Variants in NRG1 observed in about 807,000 individuals in gnomAD.
The protein encoded by NRG1 is pro-neuregulin-1, membrane-bound isoform.
A neutral mutation model predicts 63.8 loss-of-function variants in NRG1; 18 were observed. The observed-to-expected ratio is 0.28, with a 90% CI of 0.19 to 0.42. The LOEUF is 0.42. Ranked by LOEUF, NRG1 falls within the 10% of genes least tolerant of loss-of-function variation. The pLI is 1.00. For synonymous variants in NRG1, 302 were observed against 301.3 expected (o/e 1.00, Z -0.02); for missense variants, 762 against 814.7 (o/e 0.94, Z 0.79).
chr8:32,561,477 G>C (rs1235835219), intron 1 of NRG1, among the ~76,000 whole-genome samples: 1 of 152,228 alleles, frequency 6.6e-6, no homozygotes, highest in Non-Finnish European at 1.5e-5. Flanking sequence ...GTGTGTGTGT[G>C]AATGTGAATT....
At chr8:32,040,282 T>G in intron 1 of NRG1, among the ~76,000 whole-genome samples, 1 of 152,226 alleles carries the variant, frequency 6.6e-6, no homozygotes, top group East Asian at 1.9e-4. Context: ...TTTGCCTATG[T>G]GTATTTCAAT....
At chr8:32,728,293 G>A (rs1822771056) in intron 6 of NRG1, 2 of 983,664 alleles carry the variant, frequency 2.0e-6, no homozygotes, top group South Asian at 9.4e-5. Flanking sequence ...ATGTGTGTGA[G>A]GTGTTTTTTG....
intron 11 of NRG1, chr8:32,760,610 C>G (rs563168211): frequency 7.3e-7 from 1 of 1,378,234 alleles, no homozygotes; most frequent in South Asian, 1.5e-5. Flanking sequence ...GTCCCAGTGA[C>G]TGACAGGCAA....
At chr8:32,734,424 G>A (rs1391923946) in intron 6 of NRG1, among the ~76,000 whole-genome samples, 1 of 152,160 alleles carries the variant, frequency 6.6e-6, no homozygotes, top group Non-Finnish European at 1.5e-5. Context: ...ACACACTTTT[G>A]TTGTATTTGT....
intron 1 of NRG1, among the ~76,000 whole-genome samples, chr8:32,200,715 T>G (rs1245428858): frequency 1.3e-5 from 2 of 152,200 alleles, no homozygotes; most frequent in Non-Finnish European, 2.9e-5. Context: ...TCTGCAGGCC[T>G]TCTAGAACTG....
Position 32,132,394 on chromosome 8 carries a change from G to T in NRG1, c.38-463434G>T, listed in dbSNP as rs6990168. ...CTACACCATACTAATTTCCAAAAAG[G>T]TGTGAGATTGACATATGAAACTTGT... On this transcript the variant is annotated intron_variant, in intron 1 of 10. Transcript: ENST00000519301. Among the ~76,000 whole-genome samples, 196 of 152,140 alleles carry T rather than the reference G, an allele frequency of 1.3e-3. 1 individual carries two copies. Among genetic ancestry groups the T allele is most frequent in the African/African-American group, 4.5e-3 (186 of 41,532 alleles).
intron 1 of NRG1, among the ~76,000 whole-genome samples, chr8:31,707,249 T>C (rs967175548): frequency 2.0e-5 from 3 of 152,092 alleles, no homozygotes. Flanking sequence ...GACTTAATTA[T>C]TGAATTGACT....
In NRG1 at chr8:32,700,340, G is replaced by A. The variant is rs554431015; in HGVS notation, c.503-27609G>A. On this transcript the variant is annotated intron_variant, in intron 5 of 11. Transcript: ENST00000356819. ...GCAATACTGTGAGTGAAATGATAGGGCAAAAATGAATGCTTTTATTTAACT... is the reference window on the plus strand; with the variant it reads ...GCAATACTGTGAGTGAAATGATAGGACAAAAATGAATGCTTTTATTTAACT... 5.9e-5 allele frequency among the ~76,000 whole-genome samples: 9 copies of A among 152,134 alleles called. No individual in the cohort carries two copies. The South Asian group carries it at 1.9e-3, about 32-fold the overall frequency.
chr8:31,872,069 G>A (rs2129611685), intron 1 of NRG1, among the ~76,000 whole-genome samples: 1 of 152,242 alleles, frequency 6.6e-6, no homozygotes, highest in East Asian at 1.9e-4. Context: ...CATCTTAAAG[G>A]CCTGTATGCA....
At chr8:31,718,034 A>G (rs1812534345) in intron 1 of NRG1, among the ~76,000 whole-genome samples, 1 of 152,192 alleles carries the variant, frequency 6.6e-6, no homozygotes, top group Non-Finnish European at 1.5e-5. Context: ...TCAGTCAGAG[A>G]CATAAAAATG....
intron 1 of NRG1, among the ~76,000 whole-genome samples, chr8:32,264,739 A>G (rs1379433460): frequency 6.6e-6 from 1 of 152,178 alleles, no homozygotes; most frequent in East Asian, 1.9e-4. Context: ...AGAAAAGACT[A>G]AAAAAGCTAA....
chr8:31,838,557 C>T (rs1825894879), intron 1 of NRG1, among the ~76,000 whole-genome samples: 1 of 152,122 alleles, frequency 6.6e-6, no homozygotes, highest in African/African-American at 2.4e-5. Context: ...TTGAATCTTT[C>T]TATCTGGGAA....
At chr8:31,703,515 G>A (rs1313249811) in intron 1 of NRG1, among the ~76,000 whole-genome samples, 1 of 152,156 alleles carries the variant, frequency 6.6e-6, no homozygotes. Flanking sequence ...ATGGAACACT[G>A]AAGATTTTTA....
intron 1 of NRG1, among the ~76,000 whole-genome samples, chr8:31,900,263 A>AT (rs1831962403): frequency 6.6e-6 from 1 of 152,228 alleles, no homozygotes; most frequent in Admixed American, 6.5e-5. Flanking sequence ...GTGATAAGAT[A>AT]CTGGCGACCA....
intron 1 of NRG1, among the ~76,000 whole-genome samples, chr8:32,263,341 G>A (rs1242047000): frequency 6.6e-6 from 1 of 152,122 alleles, no homozygotes; most frequent in Non-Finnish European, 1.5e-5. Context: ...TAAGCATTAT[G>A]GCACACTGCC....
chr8:31,687,672 C>A (rs1809043198), intron 1 of NRG1, among the ~76,000 whole-genome samples: 1 of 152,206 alleles, frequency 6.6e-6, no homozygotes, highest in South Asian at 2.1e-4. Flanking sequence ...TTAGGGAGTG[C>A]TGTTGGAAAC....
intron 1 of NRG1, among the ~76,000 whole-genome samples, chr8:32,316,178 G>T (rs1054220647): frequency 6.6e-6 from 1 of 152,122 alleles, no homozygotes; most frequent in Admixed American, 6.5e-5. Flanking sequence ...TACACTTAGG[G>T]CTTAAAGAAT....
intron 1 of NRG1, among the ~76,000 whole-genome samples, chr8:32,225,119 G>A (rs371012080): frequency 7.2e-5 from 11 of 152,240 alleles, no homozygotes; most frequent in Admixed American, 3.3e-4. Context: ...TGTGACCCAC[G>A]GGAGCATTGG....
At chr8:32,548,503 G>A (rs1478344245) in exon 1 of NRG1, 4 of 1,225,638 alleles carry the variant, frequency 3.3e-6, no homozygotes, top group Non-Finnish European at 4.1e-6. Context: ...GAGCAGCCCC[G>A]AGAGCCAGGG....
Sources: allele counts gnomAD v4.1 joint callset (sites outside exome capture counted in the v4.1 genomes callset), GRCh38; gene constraint gnomAD v4.1.1; transcripts MANE v1.5; gene names NCBI Gene and HGNC (gene_info 2026-07-23, HGNC 2026-07-21).